The following ABCC2 variants were observed in gnomAD, a reference collection of about 807,000 sequenced individuals.
The protein encoded by ABCC2 is ATP-binding cassette sub-family C member 2.
ABCC2 carries 157 observed loss-of-function variants against 173.4 expected under a neutral mutation model. The ratio of observed to expected loss-of-function variants is 0.91; its 90% CI spans 0.80 to 1.03. ABCC2 has a LOEUF of 1.03. Ranked by LOEUF, ABCC2 falls within the 50% of genes least tolerant of loss-of-function variation. The pLI is 0.00. For synonymous variants in ABCC2, 657 were observed against 693.5 expected (o/e 0.95, Z 0.83); for missense variants, 1,822 against 1,852.3 (o/e 0.98, Z 0.30).
Position 99,812,952 on chromosome 10 carries a change from G to A in ABCC2, c.1968-66G>A, listed in dbSNP as rs914076020. On this transcript the variant is annotated intron_variant, in intron 15 of 31. Coordinates refer to ENST00000647814, the MANE Select transcript of ABCC2 (RefSeq NM_000392.5). ...CCAGACTTCATGGAGACTCAGAGAA[G>A]TGACTTGAACTACTCTTCAATACCC... 5 of 1,594,820 alleles carry A rather than the reference G, an allele frequency of 3.1e-6. No homozygotes were observed. In the East Asian group the frequency reaches 6.7e-5, roughly 21 times the overall value.
In ABCC2 at chr10:99,794,393, G is replaced by A. The variant is rs17222519; in HGVS notation, c.577-20G>A. ...CCTGTCTCCAATTGGTTTACATTTC[G>A]ATTTTTTTGTGTCTTTCAGAATCCA... On this transcript the variant is annotated intron_variant, in intron 5 of 31. Coordinates refer to ENST00000647814, the MANE Select transcript of ABCC2 (RefSeq NM_000392.5). The A allele has an allele frequency of 1.4e-3, 2,209 of 1,611,562 alleles. 23 individuals are homozygous for A. The African/African-American group carries it at 0.024, about 17-fold the overall frequency.
At chr10:99,792,648 A>G (rs1199660108) in intron 3 of ABCC2, among the ~76,000 whole-genome samples, 2 of 152,214 alleles carry the variant, frequency 1.3e-5, no homozygotes, top group African/African-American at 4.8e-5. Flanking sequence ...GAAGAGAGCT[A>G]AGTTTCTTGA....
intron 11 of ABCC2, 129 bp from the exon 12 acceptor site, chr10:99,807,255 C>A: frequency 8.1e-7 from 1 of 1,234,146 alleles, no homozygotes. Flanking sequence ...TTTCTGTAAT[C>A]ATACTTTATA....
intron 19 of ABCC2, among the ~76,000 whole-genome samples, chr10:99,825,730 C>T (rs894344018): frequency 6.6e-6 from 1 of 152,272 alleles, no homozygotes; most frequent in Admixed American, 6.5e-5. Context: ...CTACAGTCCT[C>T]TCAGGCAGTG....
At chr10:99,812,570 A>G (rs1298932860) in intron 15 of ABCC2, among the ~76,000 whole-genome samples, 1 of 152,212 alleles carries the variant, frequency 6.6e-6, no homozygotes, top group Non-Finnish European at 1.5e-5. Context: ...GGGAAATGTT[A>G]ATCTAGTCCA....
At chr10:99,787,532 C>T (rs1286333928) in intron 2 of ABCC2, among the ~76,000 whole-genome samples, 1 of 152,184 alleles carries the variant, frequency 6.6e-6, no homozygotes, top group Non-Finnish European at 1.5e-5. Flanking sequence ...TGTTAAAGTG[C>T]ATGTCCTTGC....
intron 29 of ABCC2, 72 bp from the exon 30 acceptor site, chr10:99,846,889 C>T: frequency 6.3e-7 from 1 of 1,587,992 alleles, no homozygotes; most frequent in South Asian, 1.1e-5. Flanking sequence ...TCCACCATCT[C>T]CCAGTCCTGA....
intron 16 of ABCC2, among the ~76,000 whole-genome samples, chr10:99,814,903 A>C (rs2038376171): frequency 6.6e-6 from 1 of 151,308 alleles, no homozygotes; most frequent in Admixed American, 6.6e-5. Context: ...TCCTGGGTTC[A>C]AGCAATTCTC....
intron 19 of ABCC2, among the ~76,000 whole-genome samples, chr10:99,820,808 C>A (rs1456907687): frequency 6.6e-6 from 1 of 152,144 alleles, no homozygotes; most frequent in Non-Finnish European, 1.5e-5. Context: ...ACAAAAAGCA[C>A]CTGTGAAGGG....
At position 99,847,018 on chromosome 10, in the gene ABCC2, T is replaced by C; in HGVS notation, c.4204T>C (p.Ser1402Pro). Reference protein sequence around the residue: ...RMNLDPFNNYSDEEIWKALEL... With the variant: ...RMNLDPFNNYPDEEIWKALEL... ...GAATCTCGACCCTTTCAACAACTAC[T>C]CAGATGAGGAGATTTGGAAGGCCTT... Residue 1402 changes from serine (S) to proline (P), a missense_variant, in exon 30 of 32, where the codon TCA (serine) becomes CCA (proline). Ser to Pro is a moderately conservative substitution (Grantham distance 74). Coordinates refer to ENST00000647814, the MANE Select transcript of ABCC2 (RefSeq NM_000392.5). The C allele has an allele frequency of 6.2e-7, 1 of 1,614,148 alleles. No individual in the cohort carries two copies. The highest frequency in any genetic ancestry group is 1.1e-5 in the South Asian group (1 of 91,086).
chr10:99,787,851 C>T (rs952308908), intron 2 of ABCC2, among the ~76,000 whole-genome samples: 1 of 151,882 alleles, frequency 6.6e-6, no homozygotes, highest in African/African-American at 2.4e-5. Flanking sequence ...TTGCTTGAGC[C>T]CAGCATTTCG....
intron 30 of ABCC2, 124 bp from the exon 31 acceptor site, chr10:99,850,478 A>G (rs1319466803): frequency 3.0e-6 from 3 of 985,286 alleles, no homozygotes; most frequent in Non-Finnish European, 4.7e-6. Context: ...AGGCCCAAAC[A>G]TTCCAGGGGA....
intron 8 of ABCC2, 96 bp from the exon 9 acceptor site, chr10:99,800,290 C>A (rs1457983440): frequency 2.3e-6 from 3 of 1,292,920 alleles, no homozygotes; most frequent in Non-Finnish European, 3.4e-6. Flanking sequence ...TTGTTACCTA[C>A]AGTGTAAAGA....
At chr10:99,843,925 G>A in intron 27 of ABCC2, 25 bp downstream of exon 27, 2 of 1,578,292 alleles carry the variant, frequency 1.3e-6, no homozygotes, top group Non-Finnish European at 1.7e-6. Context: ...GAAAAATCCA[G>A]GAACAAGGCA....
At chr10:99,849,687 T>G (rs2133156693) in intron 30 of ABCC2, among the ~76,000 whole-genome samples, 1 of 152,312 alleles carries the variant, frequency 6.6e-6, no homozygotes, top group Non-Finnish European at 1.5e-5. Flanking sequence ...ACAAGCTAAG[T>G]AAATAGTTTT....
intron 16 of ABCC2, among the ~76,000 whole-genome samples, chr10:99,813,666 T>A (rs1380566649): frequency 6.6e-6 from 1 of 151,752 alleles, no homozygotes; most frequent in South Asian, 2.1e-4. Flanking sequence ...GCCAAGATCA[T>A]GCCACTGCAC....
chr10:99,846,185 G>T (rs1421190508), intron 29 of ABCC2, among the ~76,000 whole-genome samples: 4 of 152,230 alleles, frequency 2.6e-5, no homozygotes, highest in African/African-American at 9.6e-5. Context: ...GCAGGTTTCT[G>T]CCAGCAAGCG....
At chr10:99,836,039 G>A in intron 24 of ABCC2, 52 bp from the exon 25 acceptor site, 1 of 1,574,704 alleles carries the variant, frequency 6.4e-7, no homozygotes, top group Non-Finnish European at 8.7e-7. Context: ...GAGGAAGATG[G>A]TGGATGCCTC....
intron 2 of ABCC2, among the ~76,000 whole-genome samples, chr10:99,786,394 G>C (rs1252885804): frequency 6.6e-6 from 1 of 152,252 alleles, no homozygotes. Flanking sequence ...CCTTGGAATT[G>C]AGTCATTGTT....
Sources: gnomAD v4.1 joint callset for allele counts (sites outside exome capture counted in the v4.1 genomes callset) on GRCh38, gnomAD v4.1.1 for gene constraint, MANE v1.5 for transcripts, NCBI Gene and HGNC (gene_info 2026-07-23, HGNC 2026-07-21) for gene names.